ITGB6: variants seen among roughly 807,000 people sequenced by gnomAD.
ITGB6 encodes the protein integrin subunit beta 6.
A neutral mutation model predicts 84.5 loss-of-function variants in ITGB6; 80 were observed. The observed-to-expected ratio is 0.95, with a 90% confidence interval of 0.79 to 1.14. ITGB6 has a LOEUF of 1.14. Among genes scored for constraint, ITGB6 ranks in the 50% most tolerant of loss-of-function variants. The pLI, the probability that ITGB6 is intolerant of heterozygous loss-of-function variation, is 0.00. For synonymous variants in ITGB6, 383 were observed against 354.9 expected, an observed-to-expected ratio of 1.08 and a Z score of -0.89; for missense variants, 1,006 against 968.0, an observed-to-expected ratio of 1.04 and a Z score of -0.52.
intron 7 of ITGB6, among the ~76,000 whole-genome samples, chr2:160,168,375 G>A (rs1342723032): frequency 3.9e-5 from 6 of 152,300 alleles, no homozygotes; most frequent in African/African-American, 1.4e-4. Flanking sequence ...CAAAAGGAAT[G>A]AGAGATCAAA....
intron 7 of ITGB6, among the ~76,000 whole-genome samples, chr2:160,152,515 G>A (rs970653247): frequency 2.0e-5 from 3 of 152,182 alleles, no homozygotes; most frequent in African/African-American, 7.2e-5. Context: ...AAAACTGGAA[G>A]CATTCCCTTT....
intron 7 of ITGB6, among the ~76,000 whole-genome samples, chr2:160,144,081 C>T (rs979846517): frequency 6.6e-6 from 1 of 152,104 alleles, no homozygotes; most frequent in Non-Finnish European, 1.5e-5. Flanking sequence ...CTCTGTTGCC[C>T]AGGCTGGAGT....
intron 5 of ITGB6, among the ~76,000 whole-genome samples, chr2:160,173,656 A>AT (rs1282161077): frequency 1.3e-5 from 2 of 152,112 alleles, no homozygotes; most frequent in African/African-American, 2.4e-5. Context: ...TCTACCCTTG[A>AT]TTTTTTTATC....
chr2:160,125,857 G>A (rs1445102189), intron 11 of ITGB6, among the ~76,000 whole-genome samples: 5 of 152,090 alleles, frequency 3.3e-5, no homozygotes, highest in African/African-American at 1.2e-4. Context: ...AAAGAAAGGC[G>A]CCAAAGAGCA....
chr2:160,132,155 C>A (rs902676010), intron 10 of ITGB6, among the ~76,000 whole-genome samples: 2 of 152,046 alleles, frequency 1.3e-5, no homozygotes, highest in South Asian at 2.1e-4. Context: ...GATGTGGTGA[C>A]GGCCTTTGGC....
At position 160,112,055 on chromosome 2, in the gene ITGB6, C is replaced by T. The variant is rs375819826; in HGVS notation, c.2101+25G>A. 1.1e-5 allele frequency: 18 copies of T among 1,609,424 alleles called. No individual in the cohort carries two copies. In the African/African-American group the frequency reaches 1.3e-4, roughly 12 times the overall value. On this transcript the variant is annotated intron_variant, in intron 13 of 14. Transcript: ENST00000283249. ...TCTCCTGTGTAGTATCATTTGCCAT[C>T]GGCAATGGAAGGCAAAACACCCACC... is the stretch of plus-strand genomic sequence containing the variant.
At chr2:160,193,608 G>A (rs1311178369) in intron 4 of ITGB6, among the ~76,000 whole-genome samples, 3 of 152,208 alleles carry the variant, frequency 2.0e-5, no homozygotes, top group Non-Finnish European at 4.4e-5. Flanking sequence ...TTTTAGGCAT[G>A]TCAACTATAC....
At chr2:160,177,047 T>G (rs1405419605) in intron 4 of ITGB6, among the ~76,000 whole-genome samples, 1 of 152,214 alleles carries the variant, frequency 6.6e-6, no homozygotes, top group South Asian at 2.1e-4. Context: ...CAAAAAAGTT[T>G]GTATCCATTG....
chr2:160,107,834 G>T lies in ITGB6; in HGVS notation c.2113C>A (p.Pro705Thr), dbSNP rs777918545. 1.9e-6 allele frequency: 3 copies of T among 1,597,974 alleles called. No homozygotes were observed. The highest frequency in any genetic ancestry group is 1.7e-5 in the Admixed American group (1 of 58,620). The change falls in exon 14 of 15, where the codon CCT (proline) becomes ACT (threonine). Residue 705 changes from proline (P) to threonine (T), a missense_variant. By Grantham distance (38) the Pro-to-Thr change is conservative. Coordinates refer to ENST00000283249, the MANE Select transcript of ITGB6 (RefSeq NM_000888.5). ...HSINEKDCPK[P>T]PNIPMIMLGV... ...AACATGATCATGGGAATGTTTGGAGGCTTCGGACAATCTGCAGAAATAAAG... is the reference window on the plus strand; with the variant it reads ...AACATGATCATGGGAATGTTTGGAGTCTTCGGACAATCTGCAGAAATAAAG...
rs1685250106 is a variant in ITGB6 at position 160,172,572 on chromosome 2, G to A, written c.918C>T (p.Val306=). The change falls in exon 6 of 15, where the codon GTC becomes GTT. Residue 306 remains valine (V), a synonymous_variant. Coordinates refer to ENST00000283249, the MANE Select transcript of ITGB6 (RefSeq NM_000888.5). ...DSKNEYSMST[V]LEYPTIGQLI... ...GTACAGAGTGCAGGTTACACACCAA[G>A]ACAGTTGACATGGAGTATTCATTCT... 1 of 1,597,780 alleles carries A rather than the reference G, an allele frequency of 6.3e-7. No homozygotes were observed. Among genetic ancestry groups the A allele is most frequent in the Admixed American group, 1.7e-5 (1 of 59,826 alleles).
chr2:160,150,379 ATAAAATCCTT>A (rs1425303534), intron 7 of ITGB6, among the ~76,000 whole-genome samples: 1 of 152,210 alleles, frequency 6.6e-6, no homozygotes, highest in African/African-American at 2.4e-5. Context: ...TGAAGGAGAA[ATAAAATCCTT>A]TACAGACAAG....
intron 10 of ITGB6, among the ~76,000 whole-genome samples, chr2:160,132,022 T>C (rs1216469497): frequency 1.3e-5 from 2 of 152,204 alleles, no homozygotes; most frequent in Non-Finnish European, 2.9e-5. Context: ...ATCTCTATTA[T>C]ATTTTGTTAG....
At chr2:160,171,520 A>C (rs1685206358) in intron 6 of ITGB6, among the ~76,000 whole-genome samples, 1 of 152,024 alleles carries the variant, frequency 6.6e-6, no homozygotes, top group Non-Finnish European at 1.5e-5. Context: ...ATTTTTTAGT[A>C]GAGATGGGGT....
chr2:160,121,176 A>G (rs927845709), intron 12 of ITGB6, among the ~76,000 whole-genome samples: 5 of 152,212 alleles, frequency 3.3e-5, no homozygotes, highest in African/African-American at 1.2e-4. Flanking sequence ...TTTCAAAAAA[A>G]CAAAAACGAA....
At chr2:160,196,495 G>T in intron 2 of ITGB6, 75 bp from the exon 3 acceptor site, 1 of 1,310,636 alleles carries the variant, frequency 7.6e-7, no homozygotes. Flanking sequence ...ACCAGCAATT[G>T]AAAGTTTTTC....
intron 7 of ITGB6, among the ~76,000 whole-genome samples, chr2:160,142,803 G>A (rs893083881): frequency 6.6e-6 from 1 of 152,182 alleles, no homozygotes; most frequent in African/African-American, 2.4e-5. Context: ...CAGGGAATGA[G>A]GCACGGCAAA....
At chr2:160,177,223 T>C (rs1301010342) in intron 4 of ITGB6, among the ~76,000 whole-genome samples, 3 of 152,238 alleles carry the variant, frequency 2.0e-5, no homozygotes, top group Non-Finnish European at 2.9e-5. Context: ...CTTCTTTTGT[T>C]AATTGCTAGC....
At position 160,100,643 on chromosome 2, in the gene ITGB6, A is replaced by G. The variant is rs897106981; in HGVS notation, c.*1093T>C. 1 of 152,218 alleles carries G rather than the reference A, an allele frequency of 6.6e-6. No homozygotes were observed. Among genetic ancestry groups the G allele is most frequent in the African/African-American group, 2.4e-5 (1 of 41,462 alleles). 9.4% of individuals were successfully genotyped at this position (152,218 alleles called of 1,614,324 possible). A position where few individuals can be genotyped will look rare whatever the true frequency, so the allele number is the denominator to read the frequency against. Reference sequence around the variant, plus strand: ...CAACTGATGGATCCCTAATTTGCACATGTATTTTGCAAGTAAAATCTTACC... The same window carrying G: ...CAACTGATGGATCCCTAATTTGCACGTGTATTTTGCAAGTAAAATCTTACC... On this transcript the variant is annotated 3_prime_UTR_variant, in exon 15 of 15. Coordinates refer to ENST00000283249, the MANE Select transcript of ITGB6 (RefSeq NM_000888.5).
At chr2:160,137,975 A>G (rs893915298) in intron 9 of ITGB6, 90 bp downstream of exon 9, 38 of 1,533,474 alleles carry the variant, frequency 2.5e-5, no homozygotes, top group Non-Finnish European at 3.1e-5. Flanking sequence ...TGCTTTTAAA[A>G]TTCTTGAAAG....
Sources: gnomAD v4.1 joint callset for allele counts (sites outside exome capture counted in the v4.1 genomes callset) on GRCh38, gnomAD v4.1.1 for gene constraint, MANE v1.5 for transcripts, NCBI Gene and HGNC (gene_info 2026-07-23, HGNC 2026-07-21) for gene names.